Variants in NOTCH2 observed in about 807,000 individuals in gnomAD.
NOTCH2 encodes the protein notch receptor 2.
Under a neutral mutation model 235.8 loss-of-function variants are expected in NOTCH2, and 29 were observed. That is an observed-to-expected ratio of 0.12 (90% CI 0.09 to 0.17). The LOEUF (loss-of-function observed/expected upper bound fraction) is 0.17, where lower values mean the gene tolerates loss of function less well. Ranked by LOEUF, NOTCH2 falls within the 10% of genes least tolerant of loss-of-function variation. NOTCH2 has a pLI of 1.00. For synonymous variants in NOTCH2, 1,086 were observed against 1,141.5 expected (o/e 0.95, Z 0.98); for missense variants, 2,285 against 3,150.2 (o/e 0.73, Z 6.57).
chr1:119,920,470 C>A, intron 29 of NOTCH2, 73 bp from the exon 30 acceptor site: 4 of 1,485,082 alleles, frequency 2.7e-6, no homozygotes, highest in Non-Finnish European at 3.8e-6. Context: ...GTGTCCAGAG[C>A]CTCCACCACC....
At chr1:120,007,585 G>A (rs587627295) in intron 2 of NOTCH2, among the ~76,000 whole-genome samples, 64 of 150,196 alleles carry the variant, frequency 4.3e-4, no homozygotes, top group African/African-American at 1.6e-3. Flanking sequence ...AGCTACTCGG[G>A]AGGCTGAGGC....
chr1:120,065,510 G>C lies in NOTCH2; in HGVS notation c.73+3824C>G, dbSNP rs587612865. On this transcript the variant is annotated intron_variant, in intron 1 of 33. Transcript: ENST00000256646. Reference sequence around the variant, plus strand: ...GATGGAAGCAATGAGGACAGTGAATGAGGCACTGGACACCAGAAGAAAGGA... The same window carrying C: ...GATGGAAGCAATGAGGACAGTGAATCAGGCACTGGACACCAGAAGAAAGGA... 2.0e-5 allele frequency among the ~76,000 whole-genome samples: 3 copies of C among 152,338 alleles called. No homozygotes were observed. The East Asian group carries it at 5.8e-4, about 29-fold the overall frequency.
intron 1 of NOTCH2, among the ~76,000 whole-genome samples, chr1:120,066,135 G>C (rs1201905935): frequency 2.0e-5 from 3 of 152,118 alleles, no homozygotes; most frequent in Non-Finnish European, 4.4e-5. Context: ...ATAAATAGAA[G>C]AAATGACATT....
chr1:120,001,055 A>G (rs587698401), intron 3 of NOTCH2, among the ~76,000 whole-genome samples: 2 of 152,244 alleles, frequency 1.3e-5, no homozygotes, highest in East Asian at 3.9e-4. Context: ...TGGGTTTCTC[A>G]GGGTTTCTGC....
rs1343343976 is a variant in NOTCH2, at chr1:119,912,853, T to C, written c.*2453A>G. ...TTGAAAGGCAGTGTTGTCCTCCTCA[T>C]CACTGAAACCTGTTGTCTGTAATGA... On this transcript the variant is annotated 3_prime_UTR_variant, in exon 34 of 34. Transcript: ENST00000256646. 1 of 233,520 alleles carries C rather than the reference T, an allele frequency of 4.3e-6. No individual in the cohort carries two copies. The highest frequency in any genetic ancestry group is 8.5e-6 in the Non-Finnish European group (1 of 118,006). The allele number at this position is 233,520 out of a possible 1,614,324, so 14.5% of individuals were successfully genotyped here. A position where few individuals can be genotyped will look rare whatever the true frequency, so the allele number is the denominator to read the frequency against.
intron 33 of NOTCH2, 65 bp downstream of exon 33, chr1:119,917,600 G>C: frequency 9.6e-7 from 1 of 1,043,048 alleles, no homozygotes; most frequent in South Asian, 1.3e-5. Flanking sequence ...AAGGAGAAAC[G>C]GGAATGGGCT....
chr1:120,058,213 A>G lies in NOTCH2; in HGVS notation c.73+11121T>C, dbSNP rs587632210. Among the ~76,000 whole-genome samples the G allele has an allele frequency of 3.3e-5, 5 of 152,322 alleles. No homozygotes were observed. In the East Asian group the frequency reaches 9.6e-4, roughly 29 times the overall value. On this transcript the variant is annotated intron_variant, in intron 1 of 33. Transcript: ENST00000256646. The stretch of plus-strand genomic sequence containing the variant: ...AAAAAATCTGATGTTTAAAAAATCA[A>G]GCTGCAAGGACCAGGCACGGTGGCT...
In NOTCH2 at chr1:119,917,655, C is replaced by A. The variant is rs774867522; in HGVS notation, c.6027+10G>T. Reference sequence around the variant, plus strand: ...TGAGCCTCCTCAAGCTCAGAGCCCACAAACTGTACCTTGTTGTCCTGCATG... The same window carrying A: ...TGAGCCTCCTCAAGCTCAGAGCCCAAAAACTGTACCTTGTTGTCCTGCATG... On this transcript the variant is annotated intron_variant, in intron 33 of 33. Transcript: ENST00000256646. 3.4e-5 allele frequency: 54 copies of A among 1,594,832 alleles called. 2 individuals carry two copies. The South Asian group carries it at 3.8e-4, about 11-fold the overall frequency.
At chr1:120,065,655 G>A (rs1157579978) in intron 1 of NOTCH2, among the ~76,000 whole-genome samples, 1 of 152,092 alleles carries the variant, frequency 6.6e-6, no homozygotes, top group Non-Finnish European at 1.5e-5. Context: ...ACCTGGAGAA[G>A]AATTCTGGTC....
intron 11 of NOTCH2, among the ~76,000 whole-genome samples, chr1:119,962,114 CA>C (rs1289863783): frequency 6.6e-6 from 1 of 152,176 alleles, no homozygotes; most frequent in African/African-American, 2.4e-5. Flanking sequence ...ACAGATCACT[CA>C]TATTGACTTC....
At chr1:119,948,596 G>A (rs781992000) in intron 16 of NOTCH2, 30 bp from the exon 17 acceptor site, 3 of 1,613,872 alleles carry the variant, frequency 1.9e-6, no homozygotes, top group Non-Finnish European at 1.7e-6. Flanking sequence ...AAATGACCTA[G>A]TCCTTGGAAG....
At chr1:119,934,373 C>A (rs997709488) in intron 22 of NOTCH2, among the ~76,000 whole-genome samples, 1 of 152,134 alleles carries the variant, frequency 6.6e-6, no homozygotes, top group Non-Finnish European at 1.5e-5. Context: ...AAATGAACTA[C>A]GATAACAGCT....
rs1648946968 is a variant in NOTCH2 at position 119,913,182 on chromosome 1, G to A, written c.*2124C>T. The A allele has an allele frequency of 4.3e-6, 1 of 233,318 alleles. No homozygotes were observed. The highest frequency in any genetic ancestry group is 6.0e-5 in the East Asian group (1 of 16,594). 14.5% of individuals were successfully genotyped at this position (233,318 alleles called of 1,614,324 possible). Reference sequence around the variant, plus strand: ...TAAAATGTTTGCACACTATGAAAGAGGCTGACAGAATGTTGCCACATGGAG... The same window carrying A: ...TAAAATGTTTGCACACTATGAAAGAAGCTGACAGAATGTTGCCACATGGAG... On this transcript the variant is annotated 3_prime_UTR_variant, in exon 34 of 34. Transcript: ENST00000256646.
rs782057759 is a variant in NOTCH2 at position 119,968,096 on chromosome 1, A to G, written c.1245T>C (p.Asp415=). ...QGYKGADCTE[D]VDECAMANSN... is the part of the protein sequence containing the mutation. ...ACTCACCCATGGCACATTCATCCAC[A>G]TCTTCTGTGCAGTCAGCCCCTTTGT... is the stretch of plus-strand genomic sequence containing the variant. The change falls in exon 7 of 34, where the codon GAT becomes GAC. Residue 415 remains aspartate (D), a synonymous_variant. Coordinates refer to ENST00000256646, the MANE Select transcript of NOTCH2 (RefSeq NM_024408.4). The G allele has an allele frequency of 1.2e-5, 20 of 1,613,978 alleles. No individual in the cohort carries two copies. Among genetic ancestry groups the G allele is most frequent in the Admixed American group, 1.0e-4 (6 of 60,004 alleles).
chr1:119,935,727 G>T, intron 21 of NOTCH2, 123 bp from the exon 22 acceptor site: 1 of 1,062,850 alleles, frequency 9.4e-7, no homozygotes, highest in Non-Finnish European at 1.4e-6. Context: ...GCTTTTGTAT[G>T]TTTTCTCTGG....
chr1:119,942,665 C>T (rs1650101834), intron 17 of NOTCH2, among the ~76,000 whole-genome samples: 1 of 152,118 alleles, frequency 6.6e-6, no homozygotes, highest in Admixed American at 6.5e-5. Context: ...CCATAATTTA[C>T]TGAATTATTT....
chr1:119,951,089 A>T (rs1553197748), intron 14 of NOTCH2, among the ~76,000 whole-genome samples: 1 of 152,194 alleles, frequency 6.6e-6, no homozygotes, highest in African/African-American at 2.4e-5. Context: ...TGCCCCTCCA[A>T]CTACAAATAA....
intron 1 of NOTCH2, among the ~76,000 whole-genome samples, chr1:120,041,102 C>T (rs1239552014): frequency 3.0e-5 from 3 of 98,896 alleles, no homozygotes; most frequent in Non-Finnish European, 5.3e-5. Flanking sequence ...TCCTGAACTT[C>T]AATTTTTATT....
chr1:119,959,188 A>G (rs587751685), intron 12 of NOTCH2, among the ~76,000 whole-genome samples: 1 of 152,350 alleles, frequency 6.6e-6, no homozygotes, highest in East Asian at 1.9e-4. Context: ...CACATAATCG[A>G]AAAACTCTAA....
Sources: allele counts gnomAD v4.1 joint callset (sites outside exome capture counted in the v4.1 genomes callset), GRCh38; gene constraint gnomAD v4.1.1; transcripts MANE v1.5; gene names NCBI Gene and HGNC (gene_info 2026-07-23, HGNC 2026-07-21).